Variants in ZFC3H1 observed in about 807,000 individuals in gnomAD.
ZFC3H1 encodes zinc finger C3H1-type containing.
In ZFC3H1, 71 loss-of-function variants were observed where a neutral mutation model predicts 243.7. That is an observed-to-expected ratio of 0.29 (90% CI 0.24 to 0.36). The LOEUF (loss-of-function observed/expected upper bound fraction) is 0.36, where lower values mean the gene tolerates loss of function less well. Ranked by LOEUF, ZFC3H1 falls within the 10% of genes least tolerant of loss-of-function variation. ZFC3H1 has a pLI of 1.00. For synonymous variants in ZFC3H1, 838 were observed against 813.0 expected (o/e 1.03, Z -0.52); for missense variants, 1,966 against 2,317.1 (o/e 0.85, Z 3.11).
rs190780828 is a variant in ZFC3H1 at position 71,642,110 on chromosome 12, A to G, written c.1627+326T>C. Among the ~76,000 whole-genome samples, 9 of 152,324 alleles carry G rather than the reference A, an allele frequency of 5.9e-5. No homozygotes were observed. The East Asian group carries it at 1.7e-3, about 29-fold the overall frequency. On this transcript the variant is annotated intron_variant, in intron 6 of 34. Coordinates refer to ENST00000378743, the MANE Select transcript of ZFC3H1 (RefSeq NM_144982.5). ...AGCAATCTGCCCACCTCAGCATCCCAAAGTACTGGGATTACAGGTGTGAGC... is the reference window on the plus strand; with the variant it reads ...AGCAATCTGCCCACCTCAGCATCCCGAAGTACTGGGATTACAGGTGTGAGC...
rs1459445184 is a variant in ZFC3H1, at chr12:71,633,434, G to C, written c.2515C>G (p.Leu839Val). 1 of 1,557,272 alleles carries C rather than the reference G, an allele frequency of 6.4e-7. No individual in the cohort carries two copies. Among genetic ancestry groups the C allele is most frequent in the South Asian group, 1.2e-5 (1 of 80,982 alleles). The change falls in exon 13 of 35, where the codon CTC (leucine) becomes GTC (valine). Residue 839 changes from leucine (L) to valine (V), a missense_variant. Leu to Val is a conservative substitution (Grantham distance 32, BLOSUM62 1). Around this residue, in one of 4 missense-constraint regions of ZFC3H1, gnomAD observed 1,383 missense variants for 1,723.7 expected, o/e 0.80. Transcript: ENST00000378743. The stretch of plus-strand genomic sequence containing the variant: ...AAAACAGATTCATCTTTCATCAAGA[G>C]AATCCTAAATGAGAAATAACAAAAT... ...AESKLKKHRILLMKDESVLKN... is the reference protein window; with the variant it reads ...AESKLKKHRIVLMKDESVLKN...
In ZFC3H1 at chr12:71,630,674, T is replaced by G; in HGVS notation, c.3650A>C (p.Asp1217Ala). The G allele has an allele frequency of 6.2e-7, 1 of 1,613,622 alleles. No individual in the cohort carries two copies. The highest frequency in any genetic ancestry group is 8.5e-7 in the Non-Finnish European group (1 of 1,179,780). The change falls in exon 18 of 35, where the codon GAC (aspartate) becomes GCC (alanine). Residue 1217 changes from aspartate to alanine, a missense_variant. Asp to Ala is a moderately radical substitution (Grantham distance 126, BLOSUM62 -2). Coordinates refer to ENST00000378743, the MANE Select transcript of ZFC3H1 (RefSeq NM_144982.5). ...YTLSRKQLFQ[D>A]ILSYNLSLIG... is the part of the protein sequence containing the mutation. ...CAAAGACAGATTATATGACAGAATG[T>G]CCTGGAATAACTGTTTTCGGCTAAG... is the stretch of plus-strand genomic sequence containing the variant.
chr12:71,626,233 C>CAG (rs985768731), intron 22 of ZFC3H1, 27 bp downstream of exon 22: 6 of 1,609,880 alleles, frequency 3.7e-6, no homozygotes, highest in Non-Finnish European at 5.1e-6. Flanking sequence ...CACACACACA[C>CAG]ACACGTACGT....
chr12:71,626,005 A>T (rs764120980), intron 22 of ZFC3H1, among the ~76,000 whole-genome samples: 3 of 152,170 alleles, frequency 2.0e-5, no homozygotes, highest in Non-Finnish European at 4.4e-5. Flanking sequence ...TAACAATTTT[A>T]CATTTTTTCT....
Position 71,636,900 on chromosome 12 carries a change from G to C in ZFC3H1, c.1885C>G (p.Arg629Gly). The C allele has an allele frequency of 6.2e-7, 1 of 1,613,922 alleles. No homozygotes were observed. The highest frequency in any genetic ancestry group is 8.5e-7 in the Non-Finnish European group (1 of 1,179,946). Reference sequence around the variant, plus strand: ...GCTAGAGATTTAAGTAGTTCTTCTCGAAGCAGCATTTCTTCCTCCTCTTCC... The same window carrying C: ...GCTAGAGATTTAAGTAGTTCTTCTCCAAGCAGCATTTCTTCCTCCTCTTCC... ...DEEEEEEMLL[R>G]EELLKSLANK... The change falls in exon 8 of 35, where the codon CGA becomes GGA. Residue 629 changes from arginine to glycine, a missense_variant. Arg to Gly is a moderately radical substitution (Grantham distance 125). This residue lies in a region of ZFC3H1 where 1,383 missense variants were observed against 1,723.7 expected (regional missense o/e 0.80). Coordinates refer to ENST00000378743, the MANE Select transcript of ZFC3H1 (RefSeq NM_144982.5).
intron 2 of ZFC3H1, among the ~76,000 whole-genome samples, chr12:71,648,994 G>A (rs1031615629): frequency 2.0e-5 from 3 of 151,612 alleles, no homozygotes; most frequent in African/African-American, 7.3e-5. Flanking sequence ...GGAAGGCTGA[G>A]GCAGGAGAAT....
chr12:71,619,503 T>C (rs1349567037), intron 26 of ZFC3H1, 94 bp from the exon 27 acceptor site: 20 of 1,185,920 alleles, frequency 1.7e-5, no homozygotes, highest in Non-Finnish European at 2.3e-5. Context: ...AAAGTACTCA[T>C]TAGATTAAGT....
At chr12:71,624,574 T>C (rs1880112178) in intron 22 of ZFC3H1, among the ~76,000 whole-genome samples, 1 of 152,210 alleles carries the variant, frequency 6.6e-6, no homozygotes, top group Admixed American at 6.5e-5. Flanking sequence ...ACTTAAAAGG[T>C]AAATCGCAGC....
At chr12:71,639,481 A>G in intron 6 of ZFC3H1, 1 of 202,626 alleles carries the variant, frequency 4.9e-6, no homozygotes, top group Non-Finnish European at 1.0e-5. Flanking sequence ...ATAGTCAGAC[A>G]CTTGATGGTG....
chr12:71,641,151 TATAGAA>T (rs908672806), intron 6 of ZFC3H1, among the ~76,000 whole-genome samples: 30 of 152,292 alleles, frequency 2.0e-4, no homozygotes, highest in African/African-American at 7.2e-4. Flanking sequence ...AAAGTTATTT[TATAGAA>T]ATAAAGTATT....
rs11541286 is a variant in ZFC3H1 at position 71,614,641 on chromosome 12, T to C, written c.5420A>G (p.Lys1807Arg). The C allele has an allele frequency of 0.071, 114,022 of 1,612,926 alleles. 4,466 individuals carry two copies. The highest frequency in any genetic ancestry group is 0.086 in the South Asian group (7,855 of 90,818). ...TCTATTCACTAAATCAGTAAAAAAT[T>C]TGAATTCTTGAACTTTGTTTCTGGA... ...AGSRNKVQEF[K>R]FFTDLVNRCL... is the part of the protein sequence containing the mutation. The change falls in exon 30 of 35, where the codon AAA (lysine) becomes AGA (arginine). Residue 1807 changes from lysine (K) to arginine (R), a missense_variant. By Grantham distance (26) the Lys-to-Arg change is conservative. Transcript: ENST00000378743.
At position 71,631,908 on chromosome 12, in the gene ZFC3H1, T is replaced by G. The variant is rs370772763; in HGVS notation, c.3361-21A>C. On this transcript the variant is annotated intron_variant, in intron 15 of 34. Coordinates refer to ENST00000378743, the MANE Select transcript of ZFC3H1 (RefSeq NM_144982.5). ...ATCTCCTGCAAAAGAAAATAATAAT[T>G]CTGTAAGGCAAATAAGGCTGGGTGA... 3 of 1,608,240 alleles carry G rather than the reference T, an allele frequency of 1.9e-6. No individual in the cohort carries two copies. The African/African-American group carries it at 4.0e-5, about 22-fold the overall frequency.
Position 71,619,374 on chromosome 12 carries a change from T to C in ZFC3H1, c.5085A>G (p.Lys1695=), listed in dbSNP as rs1055025537. Residue 1695 remains lysine (K), a synonymous_variant, in exon 27 of 35, where the codon AAA becomes AAG. Coordinates refer to ENST00000378743, the MANE Select transcript of ZFC3H1 (RefSeq NM_144982.5). ...RGDNLLPFLR[K]FIASFFKPGF... Reference sequence around the variant, plus strand: ...CCGGTTTAAAGAAGGATGCAATAAATTTCCGCAAAAATGGAAGAAGATTAT... The same window carrying C: ...CCGGTTTAAAGAAGGATGCAATAAACTTCCGCAAAAATGGAAGAAGATTAT... The C allele has an allele frequency of 1.9e-5, 30 of 1,613,586 alleles. No homozygotes were observed. Among genetic ancestry groups the C allele is most frequent in the Non-Finnish European group, 2.5e-5 (30 of 1,179,804 alleles).
intron 2 of ZFC3H1, among the ~76,000 whole-genome samples, chr12:71,655,638 C>T (rs1187377928): frequency 5.3e-5 from 8 of 152,012 alleles, no homozygotes; most frequent in African/African-American, 1.2e-4. Context: ...ATAGAAAACA[C>T]GAAGTTAGAT....
chr12:71,638,283 C>A, intron 7 of ZFC3H1, 135 bp downstream of exon 7: 1 of 811,226 alleles, frequency 1.2e-6, no homozygotes, highest in Non-Finnish European at 1.9e-6. Flanking sequence ...GTTTATTCTA[C>A]GTATTTCATT....
Position 71,618,910 on chromosome 12 carries a change from TAAAAA to T in ZFC3H1, c.5144+400_5144+404del, listed in dbSNP as rs1206312420. On this transcript the variant is annotated intron_variant, in intron 27 of 34. Coordinates refer to ENST00000378743, the MANE Select transcript of ZFC3H1 (RefSeq NM_144982.5). ...AGGCTAGAGCAGTTCTCTTCAGAAT[TAAAAA>T]AAGAAAAAGGCGTATTATTTATAGT... 4.6e-5 allele frequency among the ~76,000 whole-genome samples: 7 copies of T among 151,948 alleles called. No individual in the cohort carries two copies. The East Asian group carries it at 1.4e-3, about 29-fold the overall frequency.
At chr12:71,613,498 T>C (rs948075107) in intron 30 of ZFC3H1, 63 bp from the exon 31 acceptor site, 1 of 1,224,400 alleles carries the variant, frequency 8.2e-7, no homozygotes, top group African/African-American at 1.5e-5. Flanking sequence ...ATTACCTATG[T>C]GTTTTAACAC....
At chr12:71,619,126 G>A (rs1022590283) in intron 27 of ZFC3H1, among the ~76,000 whole-genome samples, 189 bp downstream of exon 27, 9 of 152,132 alleles carry the variant, frequency 5.9e-5, no homozygotes, top group Non-Finnish European at 8.8e-5. Context: ...TCCACAGAAT[G>A]TTAAAGAATT....
At chr12:71,650,080 C>A (rs763941242) in intron 2 of ZFC3H1, among the ~76,000 whole-genome samples, 4 of 151,898 alleles carry the variant, frequency 2.6e-5, no homozygotes, top group Non-Finnish European at 4.4e-5. Flanking sequence ...CCCAGCTACT[C>A]GGGAGGCCAA....
Sources: allele counts gnomAD v4.1 joint callset (sites outside exome capture counted in the v4.1 genomes callset), GRCh38; gene constraint gnomAD v4.1.1; regional missense constraint gnomAD v4.1.1; transcripts MANE v1.5; gene names NCBI Gene and HGNC (gene_info 2026-07-23, HGNC 2026-07-21).